The following LIN7C variants were observed in gnomAD, a reference collection of about 807,000 sequenced individuals.
LIN7C encodes protein lin-7 homolog C.
LIN7C carries 17 observed loss-of-function variants against 24.7 expected under a neutral mutation model. The observed-to-expected ratio is 0.69, with a 90% CI of 0.47 to 1.03. LIN7C has a LOEUF of 1.03. Ranked by LOEUF, LIN7C falls within the 50% of genes least tolerant of loss-of-function variation. The pLI, the probability that LIN7C is intolerant of heterozygous loss-of-function variation, is 0.00. For missense variants in LIN7C, 204 were observed against 239.0 expected, an observed-to-expected ratio of 0.85 and a Z score of 0.97; for synonymous variants, 90 against 83.4, an observed-to-expected ratio of 1.08 and a Z score of -0.43.
chr11:27,501,471 C>A, intron 3 of LIN7C, 24 bp downstream of exon 3: 1 of 1,476,216 alleles, frequency 6.8e-7, no homozygotes, highest in Non-Finnish European at 9.3e-7. Context: ...AGAATTCTTA[C>A]TTTTGGAAAA....
Position 27,496,968 on chromosome 11 carries a change from C to T in LIN7C, c.*1681G>A, listed in dbSNP as rs1865177279. ...TAATAATTTTACAATTAAATTAAGT[C>T]CATACTTCTATACTACTTTGGTCTC... is the stretch of plus-strand genomic sequence containing the variant. On this transcript the variant is annotated 3_prime_UTR_variant, in exon 5 of 5. Coordinates refer to ENST00000278193, the MANE Select transcript of LIN7C (RefSeq NM_018362.4). The T allele has an allele frequency of 6.6e-6, 1 of 152,496 alleles. No homozygotes were observed. The highest frequency in any genetic ancestry group is 1.5e-5 in the Non-Finnish European group (1 of 67,970). 9.4% of individuals were successfully genotyped at this position (152,496 alleles called of 1,614,324 possible).
chr11:27,500,897 T>C (rs1037946623), intron 3 of LIN7C, among the ~76,000 whole-genome samples: 1 of 152,158 alleles, frequency 6.6e-6, no homozygotes, highest in Non-Finnish European at 1.5e-5. Context: ...TAACTATCCA[T>C]AAAAAACTAT....
chr11:27,499,696 C>G, intron 3 of LIN7C, 128 bp from the exon 4 acceptor site: 1 of 769,936 alleles, frequency 1.3e-6, no homozygotes, highest in South Asian at 1.8e-5. Context: ...GATCTTGGCT[C>G]ACTGCAAGCT....
rs779985723 is a variant in LIN7C at position 27,504,083 on chromosome 11, G to T, written c.38-2163C>A. Among the ~76,000 whole-genome samples, 3 of 152,292 alleles carry T rather than the reference G, an allele frequency of 2.0e-5. No individual in the cohort carries two copies. In the South Asian group the frequency reaches 6.2e-4, roughly 32 times the overall value. ...TCTGCTTGCCTCGGCCTCCCAAAGTGCTGGGATTACAGGCGTGAGCCACTG... is the reference window on the plus strand; with the variant it reads ...TCTGCTTGCCTCGGCCTCCCAAAGTTCTGGGATTACAGGCGTGAGCCACTG... On this transcript the variant is annotated intron_variant, in intron 1 of 4. Transcript: ENST00000278193.
rs1306527799 is a variant in LIN7C, at chr11:27,498,745, C to T, written c.498G>A (p.Lys166=). 8 of 1,613,962 alleles carry T rather than the reference C, an allele frequency of 5.0e-6. No individual in the cohort carries two copies. Among genetic ancestry groups the T allele is most frequent in the Middle Eastern group, 3.3e-4 (2 of 6,062 alleles). Reference sequence around the variant, plus strand: ...GTGTGTATCGTACCACTAATTTAACCTTTCCTTGTGCGGCTTTCAGCAGTT... The same window carrying T: ...GTGTGTATCGTACCACTAATTTAACTTTTCCTTGTGCGGCTTTCAGCAGTT... ...AVELLKAAQG[K]VKLVVRYTPK... The change falls in exon 5 of 5, where the codon AAG becomes AAA. Residue 166 remains lysine (K), a synonymous_variant. Coordinates refer to ENST00000278193, the MANE Select transcript of LIN7C (RefSeq NM_018362.4).
At chr11:27,501,075 A>G (rs1352331057) in intron 3 of LIN7C, among the ~76,000 whole-genome samples, 5 of 152,286 alleles carry the variant, frequency 3.3e-5, no homozygotes, top group African/African-American at 7.2e-5. Flanking sequence ...CCCCAGCTCT[A>G]TCATATGCTA....
intron 1 of LIN7C, among the ~76,000 whole-genome samples, chr11:27,506,129 C>T (rs907480005): frequency 6.6e-6 from 1 of 152,220 alleles, no homozygotes; most frequent in African/African-American, 2.4e-5. Context: ...TACCACTATT[C>T]GGCTTACTTA....
rs1188014186 is a variant in LIN7C, at chr11:27,495,004, A to C, written c.*3645T>G. 6.5e-6 allele frequency: 1 copy of C among 152,690 alleles called. No homozygotes were observed. The highest frequency in any genetic ancestry group is 1.9e-4 in the East Asian group (1 of 5,200). 9.5% of individuals were successfully genotyped at this position (152,690 alleles called of 1,614,324 possible). ...CACAAACATGTAGTTTTTTAAGTCT[A>C]CACCAGGTCATGCTGACATTCTTTT... On this transcript the variant is annotated 3_prime_UTR_variant, in exon 5 of 5. Transcript: ENST00000278193.
Position 27,499,545 on chromosome 11 carries a change from G to A in LIN7C, c.252C>T (p.Ala84=). The A allele has an allele frequency of 6.2e-7, 1 of 1,614,032 alleles. No individual in the cohort carries two copies. Among genetic ancestry groups the A allele is most frequent in the African/African-American group, 1.3e-5 (1 of 75,018 alleles). ...TAKATVAAFA[A]SEGHSHPRVV... Reference sequence around the variant, plus strand: ...CTCGAGGATGAGAATGTCCTTCACTGGCAGCAAATGCAGCAACAGTAGCCT... The same window carrying A: ...CTCGAGGATGAGAATGTCCTTCACTAGCAGCAAATGCAGCAACAGTAGCCT... The change falls in exon 4 of 5, where the codon GCC becomes GCT. Residue 84 remains alanine, a synonymous_variant. Transcript: ENST00000278193.
Position 27,495,114 on chromosome 11 carries a change from G to C in LIN7C, c.*3535C>G, listed in dbSNP as rs1028674811. 6.6e-6 allele frequency: 1 copy of C among 152,556 alleles called. No individual in the cohort carries two copies. Among genetic ancestry groups the C allele is most frequent in the African/African-American group, 2.4e-5 (1 of 41,430 alleles). 9.5% of individuals were successfully genotyped at this position (152,556 alleles called of 1,614,324 possible). A position where few individuals can be genotyped will look rare whatever the true frequency, so the allele number is the denominator to read the frequency against. ...AAAGTACTTGAGCCAGACTACTTAA[G>C]TACTTGAGCAAAATAACTTAAAAAA... On this transcript the variant is annotated 3_prime_UTR_variant, in exon 5 of 5. Coordinates refer to ENST00000278193, the MANE Select transcript of LIN7C (RefSeq NM_018362.4).
intron 1 of LIN7C, among the ~76,000 whole-genome samples, chr11:27,506,099 C>G (rs1442197944): frequency 6.6e-6 from 1 of 152,202 alleles, no homozygotes; most frequent in African/African-American, 2.4e-5. Flanking sequence ...AAACACTGCA[C>G]CTGCAAGTGT....
At chr11:27,503,167 A>C (rs1012595445) in intron 1 of LIN7C, among the ~76,000 whole-genome samples, 2 of 152,132 alleles carry the variant, frequency 1.3e-5, no homozygotes, top group African/African-American at 4.8e-5. Context: ...AAACCCTAAG[A>C]GGTTGTATAC....
intron 1 of LIN7C, among the ~76,000 whole-genome samples, chr11:27,506,145 C>T (rs1345300170): frequency 1.3e-5 from 2 of 152,226 alleles, no homozygotes; most frequent in African/African-American, 4.8e-5. Context: ...ACTTACGTAA[C>T]CTCCTTCCCA....
chr11:27,498,629 A>G lies in LIN7C; in HGVS notation c.*20T>C, dbSNP rs1233132837. 6.3e-7 allele frequency: 1 copy of G among 1,599,354 alleles called. No individual in the cohort carries two copies. Among genetic ancestry groups the G allele is most frequent in the East Asian group, 2.3e-5 (1 of 44,308 alleles). ...TTCTCTAGCTAAAACGCAAAATGAAATATCAAGTTTTGAAATGTATTAGGT... is the reference window on the plus strand; with the variant it reads ...TTCTCTAGCTAAAACGCAAAATGAAGTATCAAGTTTTGAAATGTATTAGGT... On this transcript the variant is annotated 3_prime_UTR_variant, in exon 5 of 5. Transcript: ENST00000278193.
Position 27,496,064 on chromosome 11 carries a change from T to C in LIN7C, c.*2585A>G, listed in dbSNP as rs1359851458. 6.6e-6 allele frequency: 1 copy of C among 152,074 alleles called. No individual in the cohort carries two copies. Among genetic ancestry groups the C allele is most frequent in the Non-Finnish European group, 1.5e-5 (1 of 68,006 alleles). The allele number at this position is 152,074 out of a possible 1,614,324, so 9.4% of individuals were successfully genotyped here. A position where few individuals can be genotyped will look rare whatever the true frequency, so the allele number is the denominator to read the frequency against. On this transcript the variant is annotated 3_prime_UTR_variant, in exon 5 of 5. Coordinates refer to ENST00000278193, the MANE Select transcript of LIN7C (RefSeq NM_018362.4). ...TAGCTGCAAATTGAACTGTTCTATTTTGATACTTCCTAAGAGTGTCCAGTG... is the reference window on the plus strand; with the variant it reads ...TAGCTGCAAATTGAACTGTTCTATTCTGATACTTCCTAAGAGTGTCCAGTG...
chr11:27,504,230 C>CGATA (rs1318875255), intron 1 of LIN7C, among the ~76,000 whole-genome samples: 1 of 151,982 alleles, frequency 6.6e-6, no homozygotes, highest in Admixed American at 6.6e-5. Flanking sequence ...CCAGAATGAC[C>CGATA]GATACATGGG....
Position 27,496,510 on chromosome 11 carries a change from A to G in LIN7C, c.*2139T>C, listed in dbSNP as rs895688776. The G allele has an allele frequency of 1.3e-5, 2 of 152,186 alleles. No individual in the cohort carries two copies. Among genetic ancestry groups the G allele is most frequent in the African/African-American group, 4.8e-5 (2 of 41,452 alleles). 9.4% of individuals were successfully genotyped at this position (152,186 alleles called of 1,614,324 possible). On this transcript the variant is annotated 3_prime_UTR_variant, in exon 5 of 5. Transcript: ENST00000278193. ...ATTTAAAATTCTGGGATACATTATG[A>G]AAACTGCATTAATGAAAACAACCTA...
chr11:27,503,977 C>G (rs934488159), intron 1 of LIN7C, among the ~76,000 whole-genome samples: 3 of 150,928 alleles, frequency 2.0e-5, no homozygotes, highest in African/African-American at 7.3e-5. Context: ...GCCACCAGGC[C>G]CAGCTAATTT....
At chr11:27,499,023 G>A (rs1016070305) in intron 4 of LIN7C, among the ~76,000 whole-genome samples, 3 of 152,092 alleles carry the variant, frequency 2.0e-5, no homozygotes, top group African/African-American at 7.2e-5. Context: ...TGGCTTTTAA[G>A]TTCCAAATAA....
Sources: gnomAD v4.1 joint callset for allele counts (sites outside exome capture counted in the v4.1 genomes callset) on GRCh38, gnomAD v4.1.1 for gene constraint, MANE v1.5 for transcripts, NCBI Gene and HGNC (gene_info 2026-07-23, HGNC 2026-07-21) for gene names.